The following RICTOR variants were observed in gnomAD, a reference collection of about 807,000 sequenced individuals.
The protein encoded by RICTOR is rapamycin-insensitive companion of mTOR.
RICTOR carries 49 observed loss-of-function variants against 214.9 expected under a neutral mutation model. The observed-to-expected ratio is 0.23, with a 90% CI of 0.18 to 0.29. RICTOR has a LOEUF of 0.29. Among genes scored for constraint, RICTOR ranks in the 10% least tolerant of loss-of-function variants. RICTOR has a pLI of 1.00. For missense variants in RICTOR, 1,625 were observed against 2,047.0 expected, an observed-to-expected ratio of 0.79 and a Z score of 3.98; for synonymous variants, 717 against 711.3, an observed-to-expected ratio of 1.01 and a Z score of -0.13.
At position 38,991,070 on chromosome 5, in the gene RICTOR, A is replaced by G; in HGVS notation, c.462T>C (p.Ile154=). 1 of 1,589,664 alleles carries G rather than the reference A, an allele frequency of 6.3e-7. No individual in the cohort carries two copies. Among genetic ancestry groups the G allele is most frequent in the African/African-American group, 1.4e-5 (1 of 74,032 alleles). The change falls in exon 7 of 38, where the codon ATT becomes ATC. Residue 154 remains isoleucine (I), a synonymous_variant. Transcript: ENST00000357387. The stretch of plus-strand genomic sequence containing the variant: ...TAGGAAACAAGGAAGCATTCACAGT[A>G]ATCATCTGTAACAGAAGGAATCAGA... ...TQALRLVRKM[I]TVNASLFPSS...
chr5:39,039,089 A>T (rs1580166284), intron 2 of RICTOR, among the ~76,000 whole-genome samples: 1 of 152,206 alleles, frequency 6.6e-6, no homozygotes, highest in South Asian at 2.1e-4. Flanking sequence ...ACAGTAACCA[A>T]AACAGCATGG....
intron 11 of RICTOR, among the ~76,000 whole-genome samples, chr5:38,968,420 TTACTA>T (rs1018986661): frequency 6.6e-6 from 1 of 152,028 alleles, no homozygotes; most frequent in Non-Finnish European, 1.5e-5. Context: ...GTTTACATAT[TTACTA>T]TACTATACCT....
intron 10 of RICTOR, among the ~76,000 whole-genome samples, chr5:38,973,666 C>A (rs1346578607): frequency 6.6e-6 from 1 of 152,126 alleles, no homozygotes; most frequent in Non-Finnish European, 1.5e-5. Flanking sequence ...CAAATCGAAA[C>A]ATACTAGGTA....
rs1258797420 is a variant in RICTOR, at chr5:38,947,386, T to C, written c.4192A>G (p.Ile1398Val). The C allele has an allele frequency of 3.7e-6, 6 of 1,612,288 alleles. No homozygotes were observed. The highest frequency in any genetic ancestry group is 2.2e-5 in the East Asian group (1 of 44,850). ...GATCGTTGCAGGGTATTTTGATTAA[T>C]AGGACTCAATAAATCTTCTTTATCT... ...SLDKEDLLSP[I>V]NQNTLQRSSS... The change falls in exon 32 of 38, where the codon ATT (isoleucine) becomes GTT (valine). Residue 1398 changes from isoleucine (I) to valine (V), a missense_variant. Ile to Val is a conservative substitution (Grantham distance 29). This residue lies in a region of RICTOR where 1,214 missense variants were observed against 1,470.5 expected (regional missense o/e 0.83). Transcript: ENST00000357387.
intron 25 of RICTOR, 70 bp downstream of exon 25, chr5:38,957,582 C>A: frequency 1.2e-6 from 1 of 840,824 alleles, no homozygotes; most frequent in Admixed American, 2.3e-5. Context: ...AAAAACCATC[C>A]TCTAAATTCA....
intron 2 of RICTOR, among the ~76,000 whole-genome samples, chr5:39,065,246 G>C (rs1015514942): frequency 1.3e-5 from 2 of 152,150 alleles, no homozygotes; most frequent in African/African-American, 4.8e-5. Context: ...TGGCAGAGCG[G>C]GAGCAAGAGG....
chr5:39,073,663 T>TCC (rs1759490357), intron 2 of RICTOR, among the ~76,000 whole-genome samples: 1 of 152,118 alleles, frequency 6.6e-6, no homozygotes. Flanking sequence ...ACCGAGCAGG[T>TCC]CCGGCTTCTG....
chr5:39,059,793 T>C (rs1758422155), intron 2 of RICTOR, among the ~76,000 whole-genome samples: 1 of 152,130 alleles, frequency 6.6e-6, no homozygotes, highest in East Asian at 1.9e-4. Context: ...TCACTGACCA[T>C]ACAAATAAGA....
chr5:38,973,969 A>G (rs1750996509), intron 10 of RICTOR, among the ~76,000 whole-genome samples: 2 of 152,216 alleles, frequency 1.3e-5, no homozygotes, highest in South Asian at 4.1e-4. Flanking sequence ...CACGAGACAA[A>G]TGCTTTCAAG....
chr5:38,988,764 C>T (rs2592304), intron 7 of RICTOR, among the ~76,000 whole-genome samples: 147,182 of 152,222 alleles, frequency 0.97, 71,209 homozygotes, highest in East Asian at 0.99. Flanking sequence ...CCATTAACAA[C>T]TGCTACAAAG....
At chr5:39,046,818 T>A (rs1049641682) in intron 2 of RICTOR, among the ~76,000 whole-genome samples, 2 of 152,094 alleles carry the variant, frequency 1.3e-5, no homozygotes, top group Non-Finnish European at 2.9e-5. Flanking sequence ...GGAAAAAAAA[T>A]GTTTTAAATG....
chr5:39,074,030 C>T, intron 2 of RICTOR, 81 bp downstream of exon 2: 5 of 1,074,288 alleles, frequency 4.7e-6, no homozygotes, highest in Non-Finnish European at 6.2e-6. Context: ...GCGGGGCCCG[C>T]CCCTGCCTCT....
chr5:38,999,393 G>C (rs2150098816), intron 5 of RICTOR, among the ~76,000 whole-genome samples: 1 of 152,044 alleles, frequency 6.6e-6, no homozygotes, highest in African/African-American at 2.4e-5. Context: ...AAAAGAAAAA[G>C]AAATCTAGAA....
chr5:38,944,545 G>T lies in RICTOR; in HGVS notation c.4814C>A (p.Thr1605Lys), dbSNP rs1344217507. 1.2e-6 allele frequency: 2 copies of T among 1,604,916 alleles called. No homozygotes were observed. The highest frequency in any genetic ancestry group is 1.7e-5 in the Admixed American group (1 of 57,700). ...LLGVKTIPDD[T>K]PMCRILLRKE... is the part of the protein sequence containing the mutation. ...GCGAAGGAGTATACGGCACATTGGT[G>T]TATCATCTGGAATTGTTTTAACACC... Residue 1605 changes from threonine to lysine, a missense_variant, in exon 36 of 38, where the codon ACA (threonine) becomes AAA (lysine). Thr to Lys is a moderately conservative substitution (Grantham distance 78, BLOSUM62 -1). This residue lies in a region of RICTOR where 1,214 missense variants were observed against 1,470.5 expected (regional missense o/e 0.83). Coordinates refer to ENST00000357387, the MANE Select transcript of RICTOR (RefSeq NM_152756.5).
Position 38,962,938 on chromosome 5 carries a change from T to G in RICTOR, c.1504A>C (p.Ile502Leu). 1 of 1,612,992 alleles carries G rather than the reference T, an allele frequency of 6.2e-7. No homozygotes were observed. Among genetic ancestry groups the G allele is most frequent in the Non-Finnish European group, 8.5e-7 (1 of 1,179,082 alleles). ...LHLDHIIQKA[I>L]ATHQKRDQYL... Reference sequence around the variant, plus strand: ...TGATCCCGTTTCTGGTGTGTTGCAATTGCTTTCTGAATAATGTGGTCTAAA... The same window carrying G: ...TGATCCCGTTTCTGGTGTGTTGCAAGTGCTTTCTGAATAATGTGGTCTAAA... The change falls in exon 17 of 38, where the codon ATT becomes CTT. Residue 502 changes from isoleucine to leucine, a missense_variant. Around this residue, in one of 5 missense-constraint regions of RICTOR, gnomAD observed 1,214 missense variants for 1,470.5 expected, o/e 0.83. Transcript: ENST00000357387.
chr5:39,021,882 G>T (rs976854664), intron 2 of RICTOR, among the ~76,000 whole-genome samples: 1 of 152,140 alleles, frequency 6.6e-6, no homozygotes, highest in African/African-American at 2.4e-5. Context: ...TAGTAAAAGG[G>T]ACGAAATATA....
intron 8 of RICTOR, chr5:38,981,540 A>C (rs1751715608): frequency 5.3e-6 from 1 of 187,844 alleles, no homozygotes; most frequent in Non-Finnish European, 1.1e-5. Context: ...ATTCACACAC[A>C]ATGTACTAAA....
chr5:39,066,900 G>A (rs941393798), intron 2 of RICTOR, among the ~76,000 whole-genome samples: 4 of 152,122 alleles, frequency 2.6e-5, no homozygotes, highest in South Asian at 4.1e-4. Flanking sequence ...TTCATTGTCC[G>A]TATCACTACC....
intron 33 of RICTOR, 134 bp from the exon 34 acceptor site, chr5:38,945,858 A>G (rs1197640348): frequency 1.3e-5 from 7 of 536,650 alleles, no homozygotes. Context: ...AAAAAAGAAT[A>G]ATTTGCTTTA....
Sources: allele counts gnomAD v4.1 joint callset (sites outside exome capture counted in the v4.1 genomes callset), GRCh38; gene constraint gnomAD v4.1.1; regional missense constraint gnomAD v4.1.1; transcripts MANE v1.5; gene names NCBI Gene and HGNC (gene_info 2026-07-23, HGNC 2026-07-21).